Variants in TMEM132C observed in about 807,000 individuals in gnomAD.
TMEM132C encodes the protein transmembrane protein 132C.
Under a neutral mutation model 61.4 loss-of-function variants are expected in TMEM132C, and 29 were observed. The ratio of observed to expected loss-of-function variants is 0.47; its 90% CI spans 0.35 to 0.64. TMEM132C has a LOEUF of 0.64. TMEM132C is among the 30% of genes least tolerant of loss of function. The pLI, the probability that TMEM132C is intolerant of heterozygous loss-of-function variation, is 0.00. For missense variants in TMEM132C, 1,408 were observed against 1,476.9 expected (o/e 0.95, Z 0.76); for synonymous variants, 656 against 633.1 (o/e 1.04, Z -0.54).
chr12:128,635,593 T>C (rs1954097376), intron 4 of TMEM132C, among the ~76,000 whole-genome samples: 1 of 152,112 alleles, frequency 6.6e-6, no homozygotes, highest in Admixed American at 6.6e-5. Flanking sequence ...AGAGTTCTGT[T>C]TTCCCTTTGA....
intron 5 of TMEM132C, among the ~76,000 whole-genome samples, chr12:128,684,619 T>G (rs2135643374): frequency 6.6e-6 from 1 of 152,234 alleles, no homozygotes; most frequent in East Asian, 1.9e-4. Flanking sequence ...TTGGCAGCAT[T>G]GTGCATTGTC....
rs564969478 is a variant in TMEM132C at position 128,601,104 on chromosome 12, G to A, written c.1122-15048G>A. Among the ~76,000 whole-genome samples, 8 of 152,320 alleles carry A rather than the reference G, an allele frequency of 5.3e-5. No homozygotes were observed. The South Asian group carries it at 1.7e-3, about 32-fold the overall frequency. On this transcript the variant is annotated intron_variant, in intron 3 of 8. Coordinates refer to ENST00000435159, the MANE Select transcript of TMEM132C (RefSeq NM_001136103.3). ...ATATTTTGAAAATGCAAAGTTTTAGGAGTGGACCTTGGAGCGTGTCTTTCC... is the reference window on the plus strand; with the variant it reads ...ATATTTTGAAAATGCAAAGTTTTAGAAGTGGACCTTGGAGCGTGTCTTTCC...
intron 1 of TMEM132C, among the ~76,000 whole-genome samples, chr12:128,339,546 T>C (rs1237143283): frequency 1.3e-5 from 2 of 151,924 alleles, no homozygotes; most frequent in Non-Finnish European, 2.9e-5. Context: ...TAGCCTTGGG[T>C]GGTTGTCTCT....
rs528448439 is a variant in TMEM132C at position 128,299,385 on chromosome 12, T to C, written c.85+31898T>C. On this transcript the variant is annotated intron_variant, in intron 1 of 8. Transcript: ENST00000435159. Reference sequence around the variant, plus strand: ...GCCTGGTTTTGAAAAGATGAGCTGGTCTCATTAGATGAGCTGGTCCATGAG... The same window carrying C: ...GCCTGGTTTTGAAAAGATGAGCTGGCCTCATTAGATGAGCTGGTCCATGAG... 4.8e-4 allele frequency among the ~76,000 whole-genome samples: 73 copies of C among 152,246 alleles called. 1 individual carries two copies. The highest frequency in any genetic ancestry group is 1.8e-3 in the African/African-American group (73 of 41,566).
At chr12:128,585,347 A>C (rs1875504229) in intron 3 of TMEM132C, among the ~76,000 whole-genome samples, 1 of 151,874 alleles carries the variant, frequency 6.6e-6, no homozygotes, top group African/African-American at 2.4e-5. Context: ...AAATGCCCAA[A>C]GGCTATGACC....
chr12:128,508,328 G>A (rs75784922), intron 2 of TMEM132C, among the ~76,000 whole-genome samples: 250 of 152,278 alleles, frequency 1.6e-3, no homozygotes, highest in African/African-American at 5.6e-3. Flanking sequence ...CAACACCTGC[G>A]AATTATGGGA....
At chr12:128,524,231 T>C (rs1287674531) in intron 2 of TMEM132C, among the ~76,000 whole-genome samples, 1 of 152,126 alleles carries the variant, frequency 6.6e-6, no homozygotes, top group Non-Finnish European at 1.5e-5. Context: ...GGGGTACCCT[T>C]TGGAAAAAAT....
chr12:128,273,565 A>T (rs1433797360), intron 1 of TMEM132C, among the ~76,000 whole-genome samples: 1 of 152,094 alleles, frequency 6.6e-6, no homozygotes, highest in African/African-American at 2.4e-5. Context: ...ATTTGTATTA[A>T]GATCTACTAT....
rs566562312 is a variant in TMEM132C at position 128,439,457 on chromosome 12, T to C, written c.974+23837T>C. Among the ~76,000 whole-genome samples, 5 of 152,196 alleles carry C rather than the reference T, an allele frequency of 3.3e-5. No homozygotes were observed. The South Asian group carries it at 1.0e-3, about 32-fold the overall frequency. ...GAGATATGGGGGAGCAAATTCTGAG[T>C]TTGTAGAATGAGATCTGTGCATGTT... On this transcript the variant is annotated intron_variant, in intron 2 of 8. Coordinates refer to ENST00000435159, the MANE Select transcript of TMEM132C (RefSeq NM_001136103.3).
At position 128,490,087 on chromosome 12, in the gene TMEM132C, A is replaced by G. The variant is rs145398665; in HGVS notation, c.975-53870A>G. Among the ~76,000 whole-genome samples, 42 of 152,254 alleles carry G rather than the reference A, an allele frequency of 2.8e-4. No homozygotes were observed. In the East Asian group the frequency reaches 7.5e-3, roughly 27 times the overall value. ...TGAATTCCAATTGAAGGGACTAAGT[A>G]TGGATGAATAAGCATGAGTGGGAGG... On this transcript the variant is annotated intron_variant, in intron 2 of 8. Transcript: ENST00000435159.
At chr12:128,275,376 G>A (rs549286860) in intron 1 of TMEM132C, among the ~76,000 whole-genome samples, 42 of 152,248 alleles carry the variant, frequency 2.8e-4, no homozygotes, top group South Asian at 1.5e-3. Context: ...AACTGTGCAT[G>A]CGAGGGGCCT....
chr12:128,515,628 T>C (rs1297715829), intron 2 of TMEM132C, among the ~76,000 whole-genome samples: 3 of 152,120 alleles, frequency 2.0e-5, no homozygotes, highest in African/African-American at 7.2e-5. Context: ...GGTCAGGATA[T>C]CGAGACCGTC....
intron 2 of TMEM132C, among the ~76,000 whole-genome samples, chr12:128,511,424 A>C (rs904600946): frequency 1.3e-5 from 2 of 152,210 alleles, no homozygotes; most frequent in Non-Finnish European, 2.9e-5. Context: ...ACAGTTCTCC[A>C]TAGAGGGATT....
chr12:128,590,281 C>T (rs1350473070), intron 3 of TMEM132C, among the ~76,000 whole-genome samples: 1 of 152,196 alleles, frequency 6.6e-6, no homozygotes, highest in African/African-American at 2.4e-5. Flanking sequence ...TTACTACTGC[C>T]TGTTATGATG....
chr12:128,549,125 C>T (rs1194473516), intron 3 of TMEM132C, among the ~76,000 whole-genome samples: 3 of 152,124 alleles, frequency 2.0e-5, no homozygotes, highest in African/African-American at 4.8e-5. Flanking sequence ...GGGGTGTGAG[C>T]TGGCTGGGCT....
chr12:128,520,022 C>A (rs1462277483), intron 2 of TMEM132C, among the ~76,000 whole-genome samples: 2 of 152,238 alleles, frequency 1.3e-5, no homozygotes, highest in African/African-American at 4.8e-5. Context: ...AGGACTTAAG[C>A]CCCTCTCATA....
chr12:128,560,484 T>C (rs1874472402), intron 3 of TMEM132C, among the ~76,000 whole-genome samples: 2 of 152,198 alleles, frequency 1.3e-5, no homozygotes, highest in African/African-American at 4.8e-5. Flanking sequence ...TTCCCTCTGA[T>C]TGGACTCTTT....
chr12:128,575,792 G>T (rs1875070988), intron 3 of TMEM132C, among the ~76,000 whole-genome samples: 2 of 152,178 alleles, frequency 1.3e-5, no homozygotes, highest in Admixed American at 1.3e-4. Context: ...AAACATCATA[G>T]AATCAAATAA....
intron 4 of TMEM132C, among the ~76,000 whole-genome samples, chr12:128,629,594 A>C (rs763196974): frequency 7.9e-5 from 12 of 152,158 alleles, no homozygotes; most frequent in Admixed American, 6.5e-5. Context: ...GGAGTTATGA[A>C]TCGAGGGCCA....
Sources: gnomAD v4.1 joint callset for allele counts (sites outside exome capture counted in the v4.1 genomes callset) on GRCh38, gnomAD v4.1.1 for gene constraint, MANE v1.5 for transcripts, NCBI Gene and HGNC (gene_info 2026-07-23, HGNC 2026-07-21) for gene names.